Variants in INTS4 observed in about 807,000 individuals in gnomAD.
INTS4 encodes MSTP093.
INTS4 carries 70 observed loss-of-function variants against 119.5 expected under a neutral mutation model. The ratio of observed to expected loss-of-function variants is 0.59; its 90% CI spans 0.48 to 0.71. The LOEUF (loss-of-function observed/expected upper bound fraction) is 0.71, where lower values mean the gene tolerates loss of function less well. Ranked by LOEUF, INTS4 falls within the 30% of genes least tolerant of loss-of-function variation. The pLI, the probability that INTS4 is intolerant of heterozygous loss-of-function variation, is 0.00. For synonymous variants in INTS4, 316 were observed against 419.6 expected (o/e 0.75, Z 3.02); for missense variants, 867 against 1,173.2 (o/e 0.74, Z 3.81).
chr11:77,916,864 A>G (rs1410166036), intron 15 of INTS4, among the ~76,000 whole-genome samples: 1 of 152,236 alleles, frequency 6.6e-6, no homozygotes, highest in Admixed American at 6.5e-5. Flanking sequence ...TGGGTCCTGT[A>G]ATAAACAGTG....
At chr11:77,914,369 C>A (rs1255069480) in intron 15 of INTS4, among the ~76,000 whole-genome samples, 7 of 152,242 alleles carry the variant, frequency 4.6e-5, no homozygotes, top group Admixed American at 3.3e-4. Flanking sequence ...CAGGATAAAA[C>A]TGTCAAGGAC....
chr11:77,943,293 G>A (rs1055174995), intron 8 of INTS4, among the ~76,000 whole-genome samples: 2 of 152,138 alleles, frequency 1.3e-5, no homozygotes, highest in African/African-American at 4.8e-5. Flanking sequence ...AAGAATAGGT[G>A]AAGCTTTCCA....
chr11:77,925,544 G>A (rs1204530524), intron 11 of INTS4, among the ~76,000 whole-genome samples: 4 of 152,160 alleles, frequency 2.6e-5, no homozygotes, highest in Non-Finnish European at 4.4e-5. Context: ...TTAAATGGAG[G>A]AGTGAGGGAA....
intron 18 of INTS4, among the ~76,000 whole-genome samples, chr11:77,899,747 A>G (rs547434358): frequency 6.6e-6 from 1 of 152,290 alleles, no homozygotes; most frequent in East Asian, 1.9e-4. Flanking sequence ...TTATATAATG[A>G]CATGACAAGA....
intron 6 of INTS4, 28 bp downstream of exon 6, chr11:77,960,313 C>T: frequency 6.4e-7 from 1 of 1,556,830 alleles, no homozygotes; most frequent in Non-Finnish European, 8.8e-7. Flanking sequence ...ACCTCCAACC[C>T]CTTCCAGACA....
intron 4 of INTS4, among the ~76,000 whole-genome samples, chr11:77,970,570 T>C (rs1855687980): frequency 6.6e-6 from 1 of 151,986 alleles, no homozygotes; most frequent in Non-Finnish European, 1.5e-5. Context: ...GGCTCACTCC[T>C]GTAATCCTAG....
chr11:77,921,177 T>C (rs1019609601), intron 14 of INTS4, among the ~76,000 whole-genome samples, 163 bp downstream of exon 14: 2 of 152,140 alleles, frequency 1.3e-5, no homozygotes, highest in Admixed American at 6.6e-5. Context: ...TCACCTGTAA[T>C]CCCAGTGACT....
At chr11:77,945,903 A>G (rs1954037145) in intron 8 of INTS4, among the ~76,000 whole-genome samples, 1 of 152,154 alleles carries the variant, frequency 6.6e-6, no homozygotes, top group Admixed American at 6.5e-5. Flanking sequence ...CTGCTGCCAA[A>G]CTGCCCAGCC....
chr11:77,940,414 G>C (rs926195155), intron 9 of INTS4, among the ~76,000 whole-genome samples: 1 of 152,100 alleles, frequency 6.6e-6, no homozygotes. Flanking sequence ...CTGGGCAATA[G>C]AGTGAGACCC....
chr11:77,938,369 T>C (rs1953851853), intron 10 of INTS4, among the ~76,000 whole-genome samples: 1 of 152,202 alleles, frequency 6.6e-6, no homozygotes, highest in Non-Finnish European at 1.5e-5. Context: ...CAGAACCTCA[T>C]TTAATTCTCA....
chr11:77,903,402 A>G, intron 17 of INTS4, 138 bp downstream of exon 17: 1 of 1,604,928 alleles, frequency 6.2e-7, no homozygotes, highest in South Asian at 1.1e-5. Context: ...TGCTTCAAAT[A>G]CAAAGGGGCA....
intron 15 of INTS4, chr11:77,914,866 T>A (rs1360988252): frequency 6.6e-6 from 1 of 152,496 alleles, no homozygotes; most frequent in East Asian, 1.9e-4. Context: ...CAATGTACAG[T>A]GGCAAGAGAA....
At chr11:77,983,806 G>A (rs545335748) in intron 2 of INTS4, among the ~76,000 whole-genome samples, 1 of 152,302 alleles carries the variant, frequency 6.6e-6, no homozygotes, top group South Asian at 2.1e-4. Flanking sequence ...AAGATCAAGT[G>A]TAGGAAAACA....
chr11:77,934,852 G>A (rs554897756), intron 10 of INTS4, among the ~76,000 whole-genome samples: 1 of 152,248 alleles, frequency 6.6e-6, no homozygotes, highest in African/African-American at 2.4e-5. Flanking sequence ...CAAATGATAA[G>A]ATAACCCAAT....
intron 16 of INTS4, among the ~76,000 whole-genome samples, chr11:77,904,918 C>T (rs1021767563): frequency 5.3e-5 from 8 of 152,086 alleles, no homozygotes; most frequent in African/African-American, 1.4e-4. Flanking sequence ...TAAGGAGATG[C>T]GTATGAGTGC....
intron 10 of INTS4, among the ~76,000 whole-genome samples, chr11:77,934,097 C>T (rs1163382027): frequency 6.6e-6 from 1 of 151,972 alleles, no homozygotes; most frequent in Non-Finnish European, 1.5e-5. Context: ...TTACCCCCAA[C>T]CCCGTGCTCT....
chr11:77,954,102 A>G (rs527938510), intron 8 of INTS4, among the ~76,000 whole-genome samples: 6 of 152,160 alleles, frequency 3.9e-5, no homozygotes, highest in Admixed American at 6.5e-5. Flanking sequence ...GTGAGCCACA[A>G]AAGTTAAAAA....
rs1954392959 is a variant in INTS4 at position 77,958,793 on chromosome 11, A to G, written c.750T>C (p.Ser250=). 1.2e-6 allele frequency: 2 copies of G among 1,611,072 alleles called. No individual in the cohort carries two copies. The highest frequency in any genetic ancestry group is 2.2e-5 in the East Asian group (1 of 44,882). Reference sequence around the variant, plus strand: ...CGACCCAGATAAGCTGGACTGCAGCACTGCGCACTTGTTCATAGTCATCAG... The same window carrying G: ...CGACCCAGATAAGCTGGACTGCAGCGCTGCGCACTTGTTCATAGTCATCAG... ...LLSDDYEQVR[S]AAVQLIWVVS... Residue 250 remains serine, a synonymous_variant, in exon 7 of 23, where the codon AGT becomes AGC. Transcript: ENST00000534064.
At chr11:77,922,635 C>A (rs570357483) in intron 12 of INTS4, 164 bp from the exon 13 acceptor site, 20 of 998,886 alleles carry the variant, frequency 2.0e-5, no homozygotes, top group Non-Finnish European at 2.8e-5. Flanking sequence ...TATTCTGGAA[C>A]TCGGTTAATT....
Sources: gnomAD v4.1 joint callset for allele counts (sites outside exome capture counted in the v4.1 genomes callset) on GRCh38, gnomAD v4.1.1 for gene constraint, MANE v1.5 for transcripts, NCBI Gene and HGNC (gene_info 2026-07-23, HGNC 2026-07-21) for gene names.